Variants in KDM4B observed in about 807,000 individuals in gnomAD.
The protein encoded by KDM4B is lysine demethylase 4B, also known as lysine-specific demethylase 4B.
A neutral mutation model predicts 125.2 loss-of-function variants in KDM4B; 32 were observed. The observed-to-expected ratio is 0.26, with a 90% CI of 0.19 to 0.34. The LOEUF is 0.34. Ranked by LOEUF, KDM4B falls within the 10% of genes least tolerant of loss-of-function variation. KDM4B has a pLI of 1.00. For missense variants in KDM4B, 1,190 were observed against 1,577.7 expected (o/e 0.75, Z 4.16); for synonymous variants, 721 against 677.9 (o/e 1.06, Z -0.99).
intron 9 of KDM4B, among the ~76,000 whole-genome samples, chr19:5,106,601 C>T (rs1003012387): frequency 3.3e-5 from 5 of 152,208 alleles, no homozygotes; most frequent in Admixed American, 1.3e-4. Context: ...TTGGGCAGCG[C>T]GTGTCTCCTG....
chr19:5,052,672 T>G (rs1215418172), intron 6 of KDM4B, among the ~76,000 whole-genome samples: 1 of 152,188 alleles, frequency 6.6e-6, no homozygotes, highest in Non-Finnish European at 1.5e-5. Flanking sequence ...TGGCTGCAGG[T>G]GGCACTGTCG....
intron 6 of KDM4B, among the ~76,000 whole-genome samples, chr19:5,070,272 C>T (rs1233667360): frequency 6.6e-6 from 1 of 152,114 alleles, no homozygotes; most frequent in African/African-American, 2.4e-5. Flanking sequence ...GCTTCTCGCT[C>T]CCCCTCAAGG....
At chr19:5,063,744 T>C (rs1285521057) in intron 6 of KDM4B, among the ~76,000 whole-genome samples, 1 of 152,208 alleles carries the variant, frequency 6.6e-6, no homozygotes, top group Non-Finnish European at 1.5e-5. Flanking sequence ...TGGTGCAGTT[T>C]CCATAGCATA....
chr19:5,090,157 G>A (rs1044871193), intron 9 of KDM4B, among the ~76,000 whole-genome samples: 21 of 152,306 alleles, frequency 1.4e-4, no homozygotes, highest in South Asian at 4.1e-4. Flanking sequence ...AGCGCCTGCC[G>A]TGTGCAGGGG....
At position 5,122,684 on chromosome 19, in the gene KDM4B, C is replaced by T. The variant is rs1473506033; in HGVS notation, c.1315+2832C>T. Among the ~76,000 whole-genome samples, 3 of 152,248 alleles carry T rather than the reference C, an allele frequency of 2.0e-5. No individual in the cohort carries two copies. In the South Asian group the frequency reaches 6.2e-4, roughly 32 times the overall value. ...AGTAGGGAAGACACTCGCCACCCGT[C>T]ACCGACCAAGAGCAGATAAGAATGC... On this transcript the variant is annotated intron_variant, in intron 11 of 22. Coordinates refer to ENST00000159111, the MANE Select transcript of KDM4B (RefSeq NM_015015.3).
Position 5,033,111 on chromosome 19 carries a change from C to G in KDM4B, c.141+80C>G, listed in dbSNP as rs377620955. On this transcript the variant is annotated intron_variant, in intron 3 of 22. Transcript: ENST00000159111. ...GCGGACATCCTGGGTCCCAGCTCAGCCAGCCCCACAGGCGTGGCCTGTGCA... is the reference window on the plus strand; with the variant it reads ...GCGGACATCCTGGGTCCCAGCTCAGGCAGCCCCACAGGCGTGGCCTGTGCA... 1.9e-5 allele frequency: 29 copies of G among 1,530,582 alleles called. 1 individual carries two copies. The African/African-American group carries it at 3.2e-4, about 17-fold the overall frequency. The allele number at this position is 1,530,582 out of a possible 1,614,324, so 94.8% of individuals were successfully genotyped here. A position where few individuals can be genotyped will look rare whatever the true frequency, so the allele number is the denominator to read the frequency against.
chr19:5,004,435 G>A (rs558908404), intron 1 of KDM4B, among the ~76,000 whole-genome samples: 44 of 152,214 alleles, frequency 2.9e-4, no homozygotes, highest in African/African-American at 9.6e-4. Flanking sequence ...CTGCCCCCCG[G>A]GCTCATACAC....
At chr19:5,001,286 A>C (rs2035375876) in intron 1 of KDM4B, among the ~76,000 whole-genome samples, 1 of 152,086 alleles carries the variant, frequency 6.6e-6, no homozygotes, top group Admixed American at 6.6e-5. Flanking sequence ...GGGCTCCCAA[A>C]GTGCTGGAAT....
intron 3 of KDM4B, 104 bp from the exon 4 acceptor site, chr19:5,039,732 G>C (rs1448494426): frequency 7.5e-7 from 1 of 1,340,012 alleles, no homozygotes; most frequent in Non-Finnish European, 1.0e-6. Flanking sequence ...CCGAGGTGCA[G>C]ATCTTGGGGG....
chr19:4,987,686 A>T lies in KDM4B; in HGVS notation c.-109+18456A>T, dbSNP rs576466547. 2.2e-4 allele frequency among the ~76,000 whole-genome samples: 34 copies of T among 152,250 alleles called. No individual in the cohort carries two copies. In the South Asian group the frequency reaches 7.1e-3, roughly 32 times the overall value. ...AATGCTTCTGCTGTCAGGCCTCCCA[A>T]AGTGCTGGGATGATGGGCGTGAGCC... On this transcript the variant is annotated intron_variant, in intron 1 of 22. Transcript: ENST00000159111.
chr19:5,103,075 G>A (rs557227098), intron 9 of KDM4B, among the ~76,000 whole-genome samples: 1 of 152,318 alleles, frequency 6.6e-6, no homozygotes, highest in East Asian at 1.9e-4. Context: ...CAGATGTGTG[G>A]GGCAGTTGGG....
chr19:5,016,859 G>T (rs570301870), intron 2 of KDM4B, among the ~76,000 whole-genome samples: 3 of 152,212 alleles, frequency 2.0e-5, no homozygotes, highest in Non-Finnish European at 2.9e-5. Flanking sequence ...TAAGCCGGTG[G>T]CACAAAGAGG....
rs112925497 is a variant in KDM4B at position 5,150,342 on chromosome 19, C to T, written c.3022-16C>T. 13 of 1,548,200 alleles carry T rather than the reference C, an allele frequency of 8.4e-6. No individual in the cohort carries two copies. The highest frequency in any genetic ancestry group is 6.8e-5 in the African/African-American group (5 of 73,162). On this transcript the variant is annotated splice_polypyrimidine_tract_variant and intron_variant, in intron 21 of 22. Transcript: ENST00000159111. ...CCTGGCAGTGCCAGGCCCCTGAGAG[C>T]CACATCCCCCTGCAGGTGGAGTTTG...
intron 1 of KDM4B, among the ~76,000 whole-genome samples, chr19:4,987,976 C>T (rs773162500): frequency 2.6e-5 from 4 of 152,206 alleles, no homozygotes; most frequent in African/African-American, 4.8e-5. Flanking sequence ...GCCCCCAGCT[C>T]GGCCACTTCC....
intron 11 of KDM4B, among the ~76,000 whole-genome samples, chr19:5,123,331 T>C (rs2146030234): frequency 6.6e-6 from 1 of 152,352 alleles, no homozygotes; most frequent in Middle Eastern, 3.4e-3. Context: ...GGCTGGCCCA[T>C]TCCGAGGACC....
rs1413743163 is a variant in KDM4B at position 5,078,300 on chromosome 19, T to C, written c.780+830T>C. 1 of 152,226 alleles carries C rather than the reference T, an allele frequency of 6.6e-6. No individual in the cohort carries two copies. The highest frequency in any genetic ancestry group is 1.5e-5 in the Non-Finnish European group (1 of 68,070). The allele number at this position is 152,226 out of a possible 1,614,324, so 9.4% of individuals were successfully genotyped here. On this transcript the variant is annotated intron_variant, in intron 8 of 22. Transcript: ENST00000159111. This position sits in a 1 kb window ranked among gnomAD's most constrained non-coding sequence, Gnocchi z 4.5. ...TCATGAGGTTCCACGGGAAGAGTGA[T>C]GTGCAGGCTCGGGAGCGTGCTCTGT...
At position 4,971,714 on chromosome 19, in the gene KDM4B, C is replaced by T. The variant is rs117551005; in HGVS notation, c.-109+2484C>T. Among the ~76,000 whole-genome samples, 2,069 of 152,242 alleles carry T rather than the reference C, an allele frequency of 0.014. 20 individuals are homozygous for T. Among genetic ancestry groups the T allele is most frequent in the Non-Finnish European group, 0.024 (1,601 of 68,026 alleles). ...ACAGCTGGAATGGTGGTGTGCAGTC[C>T]GCTGCCCTCGGGCCCAGCTCAGGGA... On this transcript the variant is annotated intron_variant, in intron 1 of 22. Transcript: ENST00000159111. The surrounding 1 kb of genome is among the most constrained non-coding windows in gnomAD (Gnocchi z 4.1).
intron 11 of KDM4B, among the ~76,000 whole-genome samples, chr19:5,129,316 C>T (rs991357968): frequency 1.3e-5 from 2 of 151,854 alleles, no homozygotes; most frequent in Non-Finnish European, 2.9e-5. Flanking sequence ...CCTCACTTGA[C>T]CCTTACTGGG....
At chr19:4,995,333 G>T (rs1256051446) in intron 1 of KDM4B, among the ~76,000 whole-genome samples, 1 of 151,026 alleles carries the variant, frequency 6.6e-6, no homozygotes, top group Non-Finnish European at 1.5e-5. Flanking sequence ...TTTTTTTTTT[G>T]AGATGGATTC....
Sources: gnomAD v4.1 joint callset for allele counts (sites outside exome capture counted in the v4.1 genomes callset) on GRCh38, gnomAD v4.1.1 for gene constraint, Gnocchi (gnomAD v3.1) non-coding constraint, MANE v1.5 for transcripts, NCBI Gene and HGNC (gene_info 2026-07-23, HGNC 2026-07-21) for gene names.